RD3: variants seen among roughly 807,000 people sequenced by gnomAD.
The protein encoded by RD3 is protein RD3.
A neutral mutation model predicts 16.9 loss-of-function variants in RD3; 11 were observed. That is an observed-to-expected ratio of 0.65 (90% CI 0.41 to 1.08). The LOEUF is 1.08. Ranked by LOEUF, RD3 falls within the 50% of genes least tolerant of loss-of-function variation. RD3 has a pLI of 0.00. For missense variants in RD3, 274 were observed against 267.4 expected (o/e 1.02, Z -0.17); for synonymous variants, 116 against 114.8 (o/e 1.01, Z -0.07).
In RD3 at chr1:211,484,010, A is replaced by G. The variant is rs114976141; in HGVS notation, c.-11-2584T>C. ...TCTGCCTGAAATGCCCGCCCATTCT[A>G]CATGGAGACCAGGTCTAGGGTCAGC... On this transcript the variant is annotated intron_variant, in intron 1 of 2. Coordinates refer to ENST00000680073, the MANE Select transcript of RD3 (RefSeq NM_001164688.2). Among the ~76,000 whole-genome samples the G allele has an allele frequency of 8.2e-3, 1,241 of 152,236 alleles. 23 individuals carry two copies. Among genetic ancestry groups the G allele is most frequent in the African/African-American group, 0.028 (1,172 of 41,524 alleles).
rs570029127 is a variant in RD3, at chr1:211,490,042, G to A, written c.-12+1726C>T. ...ATTTTTGAACATCCCTGAGGATAATGTCTTTTCTGTGGCTCCTGGGAGGCG... is the reference window on the plus strand; with the variant it reads ...ATTTTTGAACATCCCTGAGGATAATATCTTTTCTGTGGCTCCTGGGAGGCG... On this transcript the variant is annotated intron_variant, in intron 1 of 2. Transcript: ENST00000680073. Among the ~76,000 whole-genome samples, 4 of 152,270 alleles carry A rather than the reference G, an allele frequency of 2.6e-5. No individual in the cohort carries two copies. In the South Asian group the frequency reaches 6.2e-4, roughly 24 times the overall value.
chr1:211,484,840 C>T (rs979910860), intron 1 of RD3, among the ~76,000 whole-genome samples: 4 of 152,206 alleles, frequency 2.6e-5, no homozygotes, highest in African/African-American at 9.7e-5. Flanking sequence ...ACCTCCAAGG[C>T]CCAGCCACAC....
chr1:211,481,184 G>A lies in RD3; in HGVS notation c.232C>T (p.Arg78Trp), dbSNP rs755218137. 1.2e-5 allele frequency: 19 copies of A among 1,614,124 alleles called. No homozygotes were observed. The highest frequency in any genetic ancestry group is 1.6e-4 in the Middle Eastern group (1 of 6,084). Residue 78 changes from arginine (R) to tryptophan (W), a missense_variant, in exon 2 of 3, where the codon CGG becomes TGG. Arg to Trp is a moderately radical substitution (Grantham distance 101). Transcript: ENST00000680073. ...RSTYDLSPIE[R>W]LQLEDVCVKI... ...ACGCAGACATCTTCCAGCTGCAACC[G>A]CTCAATGGGGCTGAGGTCATAGGTG...
Position 211,476,946 on chromosome 1 carries a change from C to G in RD3, c.*2090G>C, listed in dbSNP as rs1572138703. ...CCCACATCCAGGGCACCCGGAAAGC[C>G]CACAATGTGGAGGCCTTTTTCTAAT... On this transcript the variant is annotated 3_prime_UTR_variant, in exon 3 of 3. Coordinates refer to ENST00000680073, the MANE Select transcript of RD3 (RefSeq NM_001164688.2). The G allele has an allele frequency of 6.6e-6, 1 of 152,110 alleles. No individual in the cohort carries two copies. Among genetic ancestry groups the G allele is most frequent in the East Asian group, 1.9e-4 (1 of 5,198 alleles). 9.4% of individuals were successfully genotyped at this position (152,110 alleles called of 1,614,324 possible).
At chr1:211,482,839 C>G (rs1705303254) in intron 1 of RD3, among the ~76,000 whole-genome samples, 1 of 151,836 alleles carries the variant, frequency 6.6e-6, no homozygotes, top group South Asian at 2.1e-4. Context: ...TTTCTCCCTC[C>G]AAGCCGTTCC....
intron 1 of RD3, among the ~76,000 whole-genome samples, chr1:211,491,262 C>T (rs1202306845): frequency 5.9e-5 from 9 of 152,238 alleles, no homozygotes. Context: ...GACTGAGGCA[C>T]ATCCATCACC....
At position 211,477,854 on chromosome 1, in the gene RD3, C is replaced by A; in HGVS notation, c.*1182G>T. ...GACACTTCCCCACCCATCCCCCTTA[C>A]ACCCCACTTCAACCCCAGAGTGTGT... On this transcript the variant is annotated 3_prime_UTR_variant, in exon 3 of 3. Coordinates refer to ENST00000680073, the MANE Select transcript of RD3 (RefSeq NM_001164688.2). The A allele has an allele frequency of 2.7e-6, 1 of 370,476 alleles. No individual in the cohort carries two copies. 22.9% of individuals were successfully genotyped at this position (370,476 alleles called of 1,614,324 possible).
At chr1:211,491,157 C>T (rs1460138081) in intron 1 of RD3, among the ~76,000 whole-genome samples, 1 of 152,174 alleles carries the variant, frequency 6.6e-6, no homozygotes, top group African/African-American at 2.4e-5. Flanking sequence ...CCTTCTAGGC[C>T]CGATCTCCCT....
At chr1:211,483,871 G>T (rs772240770) in intron 1 of RD3, among the ~76,000 whole-genome samples, 1 of 152,196 alleles carries the variant, frequency 6.6e-6, no homozygotes, top group African/African-American at 2.4e-5. Flanking sequence ...CACCAAAAGA[G>T]TGAATGGTGT....
intron 1 of RD3, among the ~76,000 whole-genome samples, chr1:211,481,898 C>T (rs1452499275): frequency 1.3e-5 from 2 of 152,160 alleles, no homozygotes; most frequent in African/African-American, 2.4e-5. Context: ...CTTCTAAATG[C>T]CTCCAGCCTA....
At chr1:211,484,842 C>A (rs757314123) in intron 1 of RD3, among the ~76,000 whole-genome samples, 2 of 152,214 alleles carry the variant, frequency 1.3e-5, no homozygotes, top group Non-Finnish European at 2.9e-5. Context: ...CTCCAAGGCC[C>A]AGCCACACCC....
intron 1 of RD3, among the ~76,000 whole-genome samples, chr1:211,487,073 T>G (rs115282193): frequency 0.019 from 2,966 of 152,288 alleles, 94 homozygotes; most frequent in African/African-American, 0.068. Flanking sequence ...CCTCGTGGTC[T>G]CTCTGGCCCT....
Position 211,479,332 on chromosome 1 carries a change from G to C in RD3, c.297-5C>G. On this transcript the variant is annotated splice_polypyrimidine_tract_variant and splice_region_variant and intron_variant, in intron 2 of 2. Coordinates refer to ENST00000680073, the MANE Select transcript of RD3 (RefSeq NM_001164688.2). ...TCCGCCAGCAGCTGCCGGAACCTGG[G>C]CGGGAGGGGAGGGCGCTGGGGACAT... The C allele has an allele frequency of 6.2e-7, 1 of 1,601,208 alleles. No homozygotes were observed. The highest frequency in any genetic ancestry group is 8.5e-7 in the Non-Finnish European group (1 of 1,174,480).
chr1:211,481,143 G>A lies in RD3; in HGVS notation c.273C>T (p.Ser91=). The change falls in exon 2 of 3, where the codon TCC becomes TCT. Residue 91 remains serine (S), a synonymous_variant. Transcript: ENST00000680073. ...ACCTGAGGATAGCAGGCCCACAATA[G>A]GATGGGTGGATCTTAACGCAGACAT... is the stretch of plus-strand genomic sequence containing the variant. ...LEDVCVKIHP[S]YCGPAILRFR... The A allele has an allele frequency of 6.2e-7, 1 of 1,614,254 alleles. No homozygotes were observed. The highest frequency in any genetic ancestry group is 8.5e-7 in the Non-Finnish European group (1 of 1,180,046).
chr1:211,485,677 A>G (rs1705359919), intron 1 of RD3, among the ~76,000 whole-genome samples: 1 of 152,096 alleles, frequency 6.6e-6, no homozygotes, highest in African/African-American at 2.4e-5. Flanking sequence ...CTGGCTCCAG[A>G]TTCACCACCG....
Position 211,486,564 on chromosome 1 carries a change from T to C in RD3, c.-11-5138A>G, listed in dbSNP as rs1705378890. Among the ~76,000 whole-genome samples the C allele has an allele frequency of 3.4e-5, 5 of 149,180 alleles. No homozygotes were observed. In the Admixed American group the frequency reaches 3.4e-4, roughly 10 times the overall value. On this transcript the variant is annotated intron_variant, in intron 1 of 2. Coordinates refer to ENST00000680073, the MANE Select transcript of RD3 (RefSeq NM_001164688.2). The stretch of plus-strand genomic sequence containing the variant: ...GAGCTGGATGTTAGAAAATAATCCA[T>C]GGGGCTGGGCACGGTGGCTCACATC...
intron 1 of RD3, among the ~76,000 whole-genome samples, chr1:211,481,633 G>A (rs1260777390): frequency 6.6e-6 from 1 of 152,248 alleles, no homozygotes; most frequent in Non-Finnish European, 1.5e-5. Context: ...GCTGTTGTGA[G>A]AAGCAGTTGT....
Position 211,477,300 on chromosome 1 carries a change from C to T in RD3, c.*1736G>A, listed in dbSNP as rs1705164921. 6.6e-6 allele frequency: 1 copy of T among 151,820 alleles called. No individual in the cohort carries two copies. Among genetic ancestry groups the T allele is most frequent in the Non-Finnish European group, 1.5e-5 (1 of 67,972 alleles). 9.4% of individuals were successfully genotyped at this position (151,820 alleles called of 1,614,324 possible). On this transcript the variant is annotated 3_prime_UTR_variant, in exon 3 of 3. Coordinates refer to ENST00000680073, the MANE Select transcript of RD3 (RefSeq NM_001164688.2). Reference sequence around the variant, plus strand: ...TGAAACCCCATCTCTAATAAAAATACAAAAATTAGCTGGGGTGATGGCACG... The same window carrying T: ...TGAAACCCCATCTCTAATAAAAATATAAAAATTAGCTGGGGTGATGGCACG...
At chr1:211,486,092 A>G (rs1188291675) in intron 1 of RD3, among the ~76,000 whole-genome samples, 1 of 151,498 alleles carries the variant, frequency 6.6e-6, no homozygotes. Flanking sequence ...TAGCGGTTGC[A>G]GTGAGTTGAG....
Sources: allele counts gnomAD v4.1 joint callset (sites outside exome capture counted in the v4.1 genomes callset), GRCh38; gene constraint gnomAD v4.1.1; transcripts MANE v1.5; gene names NCBI Gene and HGNC (gene_info 2026-07-23, HGNC 2026-07-21).